Variants in SETD2 observed in about 807,000 individuals in gnomAD.
SETD2 encodes SET domain containing 2, histone lysine methyltransferase.
SETD2 carries 31 observed loss-of-function variants against 242.1 expected under a neutral mutation model. That is an observed-to-expected ratio of 0.13 (90% confidence interval 0.10 to 0.17). The LOEUF is 0.17. SETD2 is among the 10% of genes least tolerant of loss of function. SETD2 has a pLI of 1.00. For synonymous variants in SETD2, 1,006 were observed against 1,066.5 expected, an observed-to-expected ratio of 0.94 and a Z score of 1.11; for missense variants, 2,481 against 3,046.3, an observed-to-expected ratio of 0.81 and a Z score of 4.37.
At chr3:47,154,812 T>G (rs1385623200) in intron 1 of SETD2, among the ~76,000 whole-genome samples, 1 of 151,866 alleles carries the variant, frequency 6.6e-6, no homozygotes, top group African/African-American at 2.4e-5. Flanking sequence ...GCTAACATGG[T>G]GAAACCCATC....
Position 47,084,075 on chromosome 3 carries a change from C to G in SETD2, c.5705G>C (p.Gly1902Ala). 1 of 1,614,188 alleles carries G rather than the reference C, an allele frequency of 6.2e-7. No homozygotes were observed. The highest frequency in any genetic ancestry group is 8.5e-7 in the Non-Finnish European group (1 of 1,180,024). ...ATCAAGATCCTCTTTGCCATCCTTG[C>G]CTTCTAGCTCACTGGTTGCATCAGA... ...AISDATSELE[G>A]KDGKEDLDQL... Residue 1902 changes from glycine (G) to alanine (A), a missense_variant, in exon 12 of 21, where the codon GGC becomes GCC. By Grantham distance (60) the Gly-to-Ala change is moderately conservative. This residue lies in a region of SETD2 where 203 missense variants were observed against 222.4 expected (regional missense o/e 0.91). Transcript: ENST00000409792.
At chr3:47,106,199 G>A (rs913367622) in intron 5 of SETD2, 79 bp from the exon 6 acceptor site, 9 of 1,277,570 alleles carry the variant, frequency 7.0e-6, no homozygotes, top group Non-Finnish European at 9.7e-6. Context: ...CAAAAATAAG[G>A]AATTTAAATA....
At chr3:47,066,733 GA>G (rs561521465) in intron 13 of SETD2, among the ~76,000 whole-genome samples, 47 of 138,136 alleles carry the variant, frequency 3.4e-4, no homozygotes, top group African/African-American at 1.2e-3. Flanking sequence ...TGGTGCGAAG[GA>G]AAAAAAAAAT....
At chr3:47,158,147 T>C (rs2044168434) in intron 1 of SETD2, among the ~76,000 whole-genome samples, 1 of 152,160 alleles carries the variant, frequency 6.6e-6, no homozygotes, top group Non-Finnish European at 1.5e-5. Flanking sequence ...AGTCTAATAT[T>C]TTTTAATGCA....
intron 16 of SETD2, 50 bp downstream of exon 16, chr3:47,046,437 A>T (rs2107548677): frequency 6.9e-7 from 1 of 1,440,856 alleles, no homozygotes; most frequent in Non-Finnish European, 9.2e-7. Context: ...AAAACCTTCC[A>T]AAGACAAAGT....
rs139626026 is a variant in SETD2 at position 47,057,355 on chromosome 3, G to T, written c.6429C>A (p.Asn2143Lys). Residue 2143 changes from asparagine to lysine, a missense_variant, in exon 15 of 21, where the codon AAC becomes AAA. This residue lies in a region of SETD2 where 45 missense variants were observed against 62.8 expected (regional missense o/e 0.72). Transcript: ENST00000409792. ...AGGGCAGTGGTGATGTCATTCCCAG[G>T]TTCTGCATCTGTTGCTGTTGTTTCT... The part of the protein sequence containing the change: ...EAQKQQQQMQ[N>K]LGMTSPLPYD... The T allele has an allele frequency of 1.2e-6, 2 of 1,614,170 alleles. No individual in the cohort carries two copies. Among genetic ancestry groups the T allele is most frequent in the Non-Finnish European group, 1.7e-6 (2 of 1,180,046 alleles).
In SETD2 at chr3:47,123,165, A is replaced by G. The variant is rs749964774; in HGVS notation, c.1471T>C (p.Ser491Pro). 1.2e-6 allele frequency: 2 copies of G among 1,610,136 alleles called. No homozygotes were observed. The highest frequency in any genetic ancestry group is 1.1e-5 in the South Asian group (1 of 90,724). ...RDLRTSSYSK[S>P]DRDCKTETSY... Reference sequence around the variant, plus strand: ...GTCTCAGTTTTACAGTCCCGATCAGATTTAGAATAGGATGATGTCCTTAGG... The same window carrying G: ...GTCTCAGTTTTACAGTCCCGATCAGGTTTAGAATAGGATGATGTCCTTAGG... Residue 491 changes from serine (S) to proline (P), a missense_variant, in exon 3 of 21, where the codon TCT (serine) becomes CCT (proline). Physicochemically the swap from Ser to Pro is moderately conservative, Grantham distance 74. Coordinates refer to ENST00000409792, the MANE Select transcript of SETD2 (RefSeq NM_014159.7).
chr3:47,017,568 A>G lies in SETD2; in HGVS notation c.7533+70T>C. The G allele has an allele frequency of 9.0e-7, 1 of 1,108,516 alleles. No individual in the cohort carries two copies. 68.7% of individuals were successfully genotyped at this position (1,108,516 alleles called of 1,614,324 possible). On this transcript the variant is annotated intron_variant, in intron 20 of 20. Coordinates refer to ENST00000409792, the MANE Select transcript of SETD2 (RefSeq NM_014159.7). This position sits in a 1 kb window ranked among gnomAD's most constrained non-coding sequence, Gnocchi z 4.8. ...AAAAAAAATACTTTCTATGATGAAA[A>G]GGGCTTCTTAGAAGGTACACAGTTT...
At chr3:47,138,352 C>G in intron 1 of SETD2, 1 of 212,068 alleles carries the variant, frequency 4.7e-6, no homozygotes, top group Non-Finnish European at 1.0e-5. Context: ...TCACTGCAAC[C>G]TCCACCTCCT....
chr3:47,111,079 TAAAAAA>T (rs10672755), intron 5 of SETD2, among the ~76,000 whole-genome samples: 11 of 78,814 alleles, frequency 1.4e-4, no homozygotes, highest in South Asian at 1.0e-3. Flanking sequence ...GTGGTTCCTT[TAAAAAA>T]AAAAAAAAAA....
Position 47,121,005 on chromosome 3 carries a change from C to T in SETD2, c.3631G>A (p.Asp1211Asn), listed in dbSNP as rs2043059570. 6.2e-7 allele frequency: 1 copy of T among 1,614,054 alleles called. No individual in the cohort carries two copies. The highest frequency in any genetic ancestry group is 1.7e-5 in the Admixed American group (1 of 60,000). The change falls in exon 3 of 21, where the codon GAT (aspartate) becomes AAT (asparagine). Residue 1211 changes from aspartate (D) to asparagine (N), a missense_variant. By Grantham distance (23) the Asp-to-Asn change is conservative (BLOSUM62 1). This residue lies in a region of SETD2 where 1,300 missense variants were observed against 1,259.2 expected (regional missense o/e 1.03). Transcript: ENST00000409792. ...ELPIYSSDFE[D>N]VPNKSWQQTT... ...TGTTGCCAAGACTTATTTGGGACAT[C>T]TTCAAAATCAGAAGAATAAATTGGC...
At chr3:47,081,450 T>C (rs759490714) in intron 12 of SETD2, among the ~76,000 whole-genome samples, 1 of 152,194 alleles carries the variant, frequency 6.6e-6, no homozygotes, top group Non-Finnish European at 1.5e-5. Flanking sequence ...AGGTGCCTAA[T>C]AAAGGTTGGT....
Position 47,042,641 on chromosome 3 carries a change from T to C in SETD2, c.7158A>G (p.Pro2386=). 1 of 1,613,462 alleles carries C rather than the reference T, an allele frequency of 6.2e-7. No individual in the cohort carries two copies. The highest frequency in any genetic ancestry group is 2.2e-5 in the East Asian group (1 of 44,844). Residue 2386 remains proline (P), a synonymous_variant, in exon 17 of 21, where the codon CCA becomes CCG. Transcript: ENST00000409792. ...AGTTGGGAGGTAAGACAATGGTTTT[T>C]GGTTTGGGAGGAGAGGGGGGCGGCA... The part of the protein sequence containing the change: ...LDLPPPSPPK[P]KTIVLPPNWK...
chr3:47,067,406 C>CTTTTTT (rs548953692), intron 12 of SETD2, among the ~76,000 whole-genome samples: 2 of 83,900 alleles, frequency 2.4e-5, no homozygotes, highest in African/African-American at 5.2e-5. Context: ...TCCTGAGCAT[C>CTTTTTT]TTTTTTTTTT....
intron 5 of SETD2, among the ~76,000 whole-genome samples, chr3:47,107,720 CGGGGGGGGGT>C (rs1449904840): frequency 0.043 from 5,548 of 129,810 alleles, 140 homozygotes; most frequent in Non-Finnish European, 0.063. Context: ...CTTTGGGTGG[CGGGGGGGGGT>C]GGGGGGGGGG....
At chr3:47,070,592 T>C (rs895220747) in intron 12 of SETD2, among the ~76,000 whole-genome samples, 3 of 152,222 alleles carry the variant, frequency 2.0e-5, no homozygotes, top group African/African-American at 2.4e-5. Flanking sequence ...ATAATAGTAT[T>C]AGTCTCAGTG....
intron 9 of SETD2, 88 bp downstream of exon 9, chr3:47,097,867 T>A (rs1426085825): frequency 7.9e-7 from 1 of 1,271,466 alleles, no homozygotes; most frequent in East Asian, 2.4e-5. Context: ...CTGGTGGCAG[T>A]AGTATGACTT....
intron 1 of SETD2, among the ~76,000 whole-genome samples, chr3:47,156,981 G>C (rs1575855690): frequency 6.6e-6 from 1 of 151,928 alleles, no homozygotes; most frequent in East Asian, 1.9e-4. Flanking sequence ...TAAAAAATTA[G>C]CCAGGGCCAG....
At chr3:47,119,744 G>A in intron 3 of SETD2, 1 of 455,128 alleles carries the variant, frequency 2.2e-6, no homozygotes, top group South Asian at 1.6e-5. Context: ...TCAGCAGCAT[G>A]AAAACGGACT....
Sources: allele counts gnomAD v4.1 joint callset (sites outside exome capture counted in the v4.1 genomes callset), GRCh38; gene constraint gnomAD v4.1.1; regional missense constraint gnomAD v4.1.1; non-coding constraint Gnocchi (gnomAD v3.1); transcripts MANE v1.5; gene names NCBI Gene and HGNC (gene_info 2026-07-23, HGNC 2026-07-21).